The following DOCK4 variants were observed in gnomAD, a reference collection of about 807,000 sequenced individuals.
DOCK4 encodes dedicator of cytokinesis 4, also known as dedicator of cytokinesis protein 4.
DOCK4 carries 97 observed loss-of-function variants against 268.1 expected under a neutral mutation model. The observed-to-expected ratio is 0.36, with a 90% CI of 0.31 to 0.43. The LOEUF (loss-of-function observed/expected upper bound fraction) is 0.43, where lower values mean the gene tolerates loss of function less well. DOCK4 is among the 20% of genes least tolerant of loss of function. DOCK4 has a pLI of 1.00. For missense variants in DOCK4, 2,145 were observed against 2,455.7 expected (o/e 0.87, Z 2.67); for synonymous variants, 954 against 887.2 (o/e 1.08, Z -1.34).
intron 1 of DOCK4, among the ~76,000 whole-genome samples, chr7:112,043,428 CACA>C (rs1804571037): frequency 1.3e-5 from 2 of 152,106 alleles, no homozygotes; most frequent in African/African-American, 4.8e-5. Flanking sequence ...AACATAAACA[CACA>C]ACAATGAGAT....
Position 111,755,562 on chromosome 7 carries a change from T to C in DOCK4, c.4369A>G (p.Ser1457Gly), listed in dbSNP as rs750690041. 3.1e-6 allele frequency: 5 copies of C among 1,613,876 alleles called. No homozygotes were observed. Among genetic ancestry groups the C allele is most frequent in the East Asian group, 2.2e-5 (1 of 44,868 alleles). The change falls in exon 42 of 53, where the codon AGT becomes GGT. Residue 1457 changes from serine to glycine, a missense_variant. Around this residue, in one of 2 missense-constraint regions of DOCK4, gnomAD observed 1,598 missense variants for 1,986.7 expected, o/e 0.80. Coordinates refer to ENST00000428084, the MANE Select transcript of DOCK4 (RefSeq NM_001363540.2). ...VERTSLYLVQ[S>G]LPGISRWFEV... ...AACCAGCGAGAGATGCCAGGCAAAC[T>C]CTGCACCAAGTATAATGACGTTCTC... is the stretch of plus-strand genomic sequence containing the variant.
At chr7:111,889,060 G>A (rs1318299381) in intron 16 of DOCK4, among the ~76,000 whole-genome samples, 1 of 152,014 alleles carries the variant, frequency 6.6e-6, no homozygotes, top group Admixed American at 6.6e-5. Context: ...GCATTGAAGG[G>A]GCTTTCTGCA....
rs79687859 is a variant in DOCK4 at position 112,145,060 on chromosome 7, T to C, written c.37+61042A>G. ...TCCCTATATGATGAAACGATATCTA[T>C]TAATATGTTGTAAAAAGGAGGAAAG... On this transcript the variant is annotated intron_variant, in intron 1 of 52. Transcript: ENST00000428084. Among the ~76,000 whole-genome samples the C allele has an allele frequency of 3.5e-4, 53 of 152,240 alleles. 1 individual carries two copies. The East Asian group carries it at 9.1e-3, about 26-fold the overall frequency.
chr7:112,176,797 T>C (rs17159330), intron 1 of DOCK4, among the ~76,000 whole-genome samples: 15,885 of 152,228 alleles, frequency 0.1, 1,036 homozygotes, highest in South Asian at 0.16. Flanking sequence ...CGCGTTGAAA[T>C]TGCACATAAT....
chr7:111,872,867 C>G (rs1194490952), intron 17 of DOCK4, among the ~76,000 whole-genome samples: 1 of 152,196 alleles, frequency 6.6e-6, no homozygotes, highest in Non-Finnish European at 1.5e-5. Context: ...CTTCTACATG[C>G]TTCCACATCA....
At chr7:112,107,741 G>A (rs1401269034) in intron 1 of DOCK4, among the ~76,000 whole-genome samples, 1 of 152,212 alleles carries the variant, frequency 6.6e-6, no homozygotes, top group Admixed American at 6.5e-5. Flanking sequence ...AAGAGTGAAG[G>A]TCAGGGAAGA....
At chr7:111,766,232 C>T (rs188352877) in intron 38 of DOCK4, among the ~76,000 whole-genome samples, 3 of 152,254 alleles carry the variant, frequency 2.0e-5, no homozygotes, top group Admixed American at 1.3e-4. Context: ...TCAGTTCCTG[C>T]CAGTTGAATA....
At position 111,769,606 on chromosome 7, in the gene DOCK4, T is replaced by C; in HGVS notation, c.3751A>G (p.Thr1251Ala). ...TGCCATTCTGTTTGCATGGGGTAGG[T>C]CAGGAACTCCCTGAGGGGCCGATCA... ...WSDRPLREFL[T>A]YPMQTEWQRK... Residue 1251 changes from threonine (T) to alanine (A), a missense_variant, in exon 37 of 53, where the codon ACC becomes GCC. Around this residue, in one of 2 missense-constraint regions of DOCK4, gnomAD observed 1,598 missense variants for 1,986.7 expected, o/e 0.80. Transcript: ENST00000428084. 6.2e-7 allele frequency: 1 copy of C among 1,613,672 alleles called. No individual in the cohort carries two copies. The highest frequency in any genetic ancestry group is 8.5e-7 in the Non-Finnish European group (1 of 1,179,794).
chr7:111,887,760 A>C (rs1807969065), intron 16 of DOCK4, among the ~76,000 whole-genome samples: 1 of 109,312 alleles, frequency 9.1e-6, no homozygotes, highest in Admixed American at 7.9e-5. Flanking sequence ...TATTTAAAAA[A>C]AATTATTAAA....
At chr7:111,807,538 G>C (rs951306744) in intron 30 of DOCK4, 1 of 150,660 alleles carries the variant, frequency 6.6e-6, no homozygotes, top group Non-Finnish European at 1.5e-5. Flanking sequence ...GCAATGGAGC[G>C]ATCTTGGTTC....
chr7:112,138,083 C>T (rs1814533848), intron 1 of DOCK4, among the ~76,000 whole-genome samples: 1 of 152,180 alleles, frequency 6.6e-6, no homozygotes, highest in Non-Finnish European at 1.5e-5. Flanking sequence ...ACTTCTGGGT[C>T]CACTCCAATT....
At chr7:111,948,541 G>A (rs995895553) in intron 8 of DOCK4, among the ~76,000 whole-genome samples, 16 of 152,068 alleles carry the variant, frequency 1.1e-4, no homozygotes, top group Non-Finnish European at 2.1e-4. Context: ...TGATTTAGCA[G>A]GTTTCAAAGA....
chr7:111,913,712 A>ATTTT (rs754312104), intron 13 of DOCK4, among the ~76,000 whole-genome samples: 2 of 137,382 alleles, frequency 1.5e-5, no homozygotes, highest in Non-Finnish European at 3.1e-5. Context: ...CCCGGCCACA[A>ATTTT]TTTTTTTTTT....
At chr7:111,907,673 C>T (rs1022768109) in intron 13 of DOCK4, among the ~76,000 whole-genome samples, 1 of 152,142 alleles carries the variant, frequency 6.6e-6, no homozygotes, top group East Asian at 1.9e-4. Context: ...GGTCCAGTGA[C>T]TAGAGCTGGA....
chr7:111,958,355 A>G (rs1475575765), intron 8 of DOCK4, among the ~76,000 whole-genome samples: 1 of 152,198 alleles, frequency 6.6e-6, no homozygotes, highest in Non-Finnish European at 1.5e-5. Context: ...TGAATACCAA[A>G]GAAGTCCTTG....
At chr7:111,994,705 T>C (rs955180475) in intron 4 of DOCK4, among the ~76,000 whole-genome samples, 2 of 152,130 alleles carry the variant, frequency 1.3e-5, no homozygotes, top group African/African-American at 4.8e-5. Context: ...TATAAGTAAC[T>C]AGACACTGAG....
intron 8 of DOCK4, among the ~76,000 whole-genome samples, chr7:111,948,270 A>AAG (rs1202474045): frequency 6.6e-6 from 1 of 152,196 alleles, no homozygotes; most frequent in African/African-American, 2.4e-5. Flanking sequence ...AGTTTTACTC[A>AAG]AGGTCACAGA....
chr7:111,746,634 T>C (rs3735534), intron 43 of DOCK4, among the ~76,000 whole-genome samples: 92,322 of 151,832 alleles, frequency 0.61, 28,608 homozygotes, highest in Non-Finnish European at 0.66. Context: ...TAAGTACCCT[T>C]GCTAAAATAA....
chr7:111,947,145 C>A (rs1209346250), intron 8 of DOCK4, among the ~76,000 whole-genome samples: 2 of 152,124 alleles, frequency 1.3e-5, no homozygotes, highest in Non-Finnish European at 2.9e-5. Context: ...AAATGGAGAG[C>A]AGGACATTAA....
Sources: allele counts gnomAD v4.1 joint callset (sites outside exome capture counted in the v4.1 genomes callset), GRCh38; gene constraint gnomAD v4.1.1; regional missense constraint gnomAD v4.1.1; transcripts MANE v1.5; gene names NCBI Gene and HGNC (gene_info 2026-07-23, HGNC 2026-07-21).